The following MIR2052HG variants were observed in gnomAD, a reference collection of about 807,000 sequenced individuals.
The protein encoded by MIR2052HG is MIR2052 host gene.
chr8:74,648,016 C>A (rs1352719166), intron 2 of MIR2052HG, among the ~76,000 whole-genome samples: 1 of 151,978 alleles, frequency 6.6e-6, no homozygotes, highest in African/African-American at 2.4e-5. Flanking sequence ...AATCAGTGCA[C>A]CCTAAAAAAG....
At chr8:74,717,699 T>G (rs1809534165) in intron 4 of MIR2052HG, among the ~76,000 whole-genome samples, 1 of 151,926 alleles carries the variant, frequency 6.6e-6, no homozygotes, top group South Asian at 2.1e-4. Context: ...TGTCTGCTAT[T>G]CAGGAGGCTG....
chr8:74,648,015 AC>A (rs1808711633), intron 2 of MIR2052HG, among the ~76,000 whole-genome samples: 2 of 152,150 alleles, frequency 1.3e-5, no homozygotes, highest in Non-Finnish European at 2.9e-5. Context: ...AAATCAGTGC[AC>A]CCTAAAAAAG....
chr8:74,627,205 A>G (rs574407049), intron 2 of MIR2052HG, among the ~76,000 whole-genome samples: 1 of 152,182 alleles, frequency 6.6e-6, no homozygotes, highest in Non-Finnish European at 1.5e-5. Context: ...AGGACACATT[A>G]CAGTTTATAA....
At chr8:74,648,478 C>A (rs1209271269) in intron 2 of MIR2052HG, among the ~76,000 whole-genome samples, 4 of 152,152 alleles carry the variant, frequency 2.6e-5, no homozygotes, top group Non-Finnish European at 5.9e-5. Flanking sequence ...GTCTTGTGAT[C>A]TTTTATTGCC....
At chr8:74,666,735 T>A (rs368127683) in intron 2 of MIR2052HG, among the ~76,000 whole-genome samples, 1 of 152,188 alleles carries the variant, frequency 6.6e-6, no homozygotes, top group East Asian at 1.9e-4. Flanking sequence ...TGCTAAAGAT[T>A]TACTCTCCCA....
chr8:74,738,788 C>T (rs1809797737), intron 4 of MIR2052HG, among the ~76,000 whole-genome samples: 1 of 152,132 alleles, frequency 6.6e-6, no homozygotes, highest in Non-Finnish European at 1.5e-5. Context: ...AAGTAGCTTC[C>T]TACAGTGGGC....
intron 4 of MIR2052HG, among the ~76,000 whole-genome samples, chr8:74,732,006 C>T (rs1809697066): frequency 1.3e-5 from 2 of 152,220 alleles, no homozygotes; most frequent in South Asian, 4.1e-4. Context: ...TAAGTAGTTA[C>T]AATTTTTTTA....
At chr8:74,700,470 G>A (rs765537701) in intron 2 of MIR2052HG, among the ~76,000 whole-genome samples, 17 of 152,022 alleles carry the variant, frequency 1.1e-4, no homozygotes, top group Non-Finnish European at 2.1e-4. Flanking sequence ...AATAAAACAG[G>A]TGAAGTTAAT....
chr8:74,726,125 G>A (rs1809633155), intron 4 of MIR2052HG, among the ~76,000 whole-genome samples: 1 of 152,094 alleles, frequency 6.6e-6, no homozygotes, highest in Non-Finnish European at 1.5e-5. Flanking sequence ...TCCGGGAGGC[G>A]GAGGTTGCAG....
intron 2 of MIR2052HG, among the ~76,000 whole-genome samples, chr8:74,689,678 T>A (rs1479518695): frequency 2.0e-5 from 3 of 152,160 alleles, no homozygotes; most frequent in Non-Finnish European, 4.4e-5. Context: ...GGGCAGAAAA[T>A]GTAAAGAAGG....
At chr8:74,690,497 T>C (rs1809228102) in intron 2 of MIR2052HG, among the ~76,000 whole-genome samples, 1 of 151,574 alleles carries the variant, frequency 6.6e-6, no homozygotes, top group Admixed American at 6.6e-5. Flanking sequence ...TACAAAAAAT[T>C]AGTCGTGCGT....
At position 74,658,546 on chromosome 8, in the gene MIR2052HG, C is replaced by T. The variant is rs143536637; in HGVS notation, n.217-43833C>T. On this transcript the variant is annotated intron_variant and non_coding_transcript_variant, in intron 2 of 6. Transcript: ENST00000523442. ...GCTGGGATGTGCCCACCACCACACC[C>T]GGCTAATTTTTGTATTTTTAGTAGA... 2.0e-3 allele frequency among the ~76,000 whole-genome samples: 311 copies of T among 152,050 alleles called. 3 individuals carry two copies. The highest frequency in any genetic ancestry group is 6.8e-3 in the African/African-American group (282 of 41,486).
intron 2 of MIR2052HG, among the ~76,000 whole-genome samples, chr8:74,699,627 G>T (rs1055276838): frequency 2.3e-4 from 35 of 151,968 alleles, no homozygotes; most frequent in African/African-American, 8.0e-4. Context: ...GGACTTTGGG[G>T]ACTTGGGGAA....
At chr8:74,693,606 G>T (rs13270723) in intron 2 of MIR2052HG, among the ~76,000 whole-genome samples, 60 of 144,600 alleles carry the variant, frequency 4.1e-4, no homozygotes, top group Non-Finnish European at 6.4e-4. Context: ...TGCTATTGCG[G>T]GGGCGGGGGG....
At chr8:74,654,716 T>C (rs1267415105) in intron 2 of MIR2052HG, among the ~76,000 whole-genome samples, 1 of 152,146 alleles carries the variant, frequency 6.6e-6, no homozygotes, top group Non-Finnish European at 1.5e-5. Context: ...ATGTCTTTAT[T>C]AGCAGTGTGA....
At chr8:74,604,401 G>A (rs1416743003) in intron 1 of MIR2052HG, among the ~76,000 whole-genome samples, 1 of 131,240 alleles carries the variant, frequency 7.6e-6, no homozygotes, top group African/African-American at 2.9e-5. Flanking sequence ...AACAATAGGG[G>A]CAGGCGGGAA....
chr8:74,726,366 A>G (rs1169206424), intron 4 of MIR2052HG, among the ~76,000 whole-genome samples: 1 of 152,108 alleles, frequency 6.6e-6, no homozygotes, highest in Non-Finnish European at 1.5e-5. Context: ...CAGTTATTTT[A>G]TTTTCATTAT....
At chr8:74,678,245 A>C (rs1247749963) in intron 2 of MIR2052HG, among the ~76,000 whole-genome samples, 2 of 152,256 alleles carry the variant, frequency 1.3e-5, no homozygotes, top group East Asian at 3.9e-4. Flanking sequence ...AATTCTCACA[A>C]ACTTTTCCAG....
At chr8:74,752,419 G>T in intron 4 of MIR2052HG, 1 of 452,864 alleles carries the variant, frequency 2.2e-6, no homozygotes, top group South Asian at 1.6e-5. Flanking sequence ...TTCATTTTGT[G>T]TCTGTGAATT....
Sources: allele counts gnomAD v4.1 joint callset (sites outside exome capture counted in the v4.1 genomes callset), GRCh38; gene constraint gnomAD v4.1.1; transcripts MANE v1.5; gene names NCBI Gene and HGNC (gene_info 2026-07-23, HGNC 2026-07-21).